Variants in VAV3 observed in about 807,000 individuals in gnomAD.
VAV3 encodes vav guanine nucleotide exchange factor 3.
Under a neutral mutation model 131.2 loss-of-function variants are expected in VAV3, and 94 were observed. That is an observed-to-expected ratio of 0.72 (90% CI 0.61 to 0.85). The LOEUF (loss-of-function observed/expected upper bound fraction) is 0.85. Among genes scored for constraint, VAV3 ranks in the 40% least tolerant of loss-of-function variants. The pLI is 0.00. For synonymous variants in VAV3, 349 were observed against 342.0 expected (o/e 1.02, Z -0.22); for missense variants, 939 against 1,002.7 (o/e 0.94, Z 0.86).
intron 15 of VAV3, 124 bp from the exon 16 acceptor site, chr1:107,705,185 CTAAA>C: frequency 4.1e-6 from 3 of 725,178 alleles, no homozygotes; most frequent in African/African-American, 1.8e-5. Context: ...AAAATGACTA[CTAAA>C]TGTGCAATGT....
intron 2 of VAV3, among the ~76,000 whole-genome samples, chr1:107,860,133 G>T (rs927712595): frequency 2.0e-5 from 3 of 152,004 alleles, no homozygotes; most frequent in Non-Finnish European, 4.4e-5. Context: ...GTTAGTTTTT[G>T]TTTTTGACAG....
intron 2 of VAV3, among the ~76,000 whole-genome samples, chr1:107,859,600 A>G (rs754659274): frequency 2.6e-5 from 4 of 152,188 alleles, no homozygotes; most frequent in Non-Finnish European, 5.9e-5. Context: ...AATGCAAGCC[A>G]AGGCTTTTAA....
chr1:107,832,320 ACTGTG>A (rs1428158898), intron 2 of VAV3, among the ~76,000 whole-genome samples: 1 of 152,202 alleles, frequency 6.6e-6, no homozygotes, highest in African/African-American at 2.4e-5. Flanking sequence ...ATATAGACTC[ACTGTG>A]AACAAGCAGG....
chr1:107,622,800 G>GGT (rs1443653609), intron 20 of VAV3, among the ~76,000 whole-genome samples: 2 of 152,180 alleles, frequency 1.3e-5, no homozygotes, highest in Non-Finnish European at 2.9e-5. Flanking sequence ...CACAGGTTGA[G>GGT]TGTTTGGGGA....
intron 1 of VAV3, among the ~76,000 whole-genome samples, chr1:107,961,721 A>C (rs1053337422): frequency 2.6e-5 from 4 of 152,250 alleles, no homozygotes; most frequent in African/African-American, 9.6e-5. Flanking sequence ...AGATGGCAAG[A>C]TCAAAAACAA....
rs143123480 is a variant in VAV3, at chr1:107,761,760, C to T, written c.922-881G>A. On this transcript the variant is annotated intron_variant, in intron 9 of 26. Transcript: ENST00000370056. ...TTATTATCATATGTAATATCTACTC[C>T]AATATGATTTGTGCTGTATGCCCCT... 2.6e-5 allele frequency among the ~76,000 whole-genome samples: 4 copies of T among 152,256 alleles called. No homozygotes were observed. In the East Asian group the frequency reaches 7.7e-4, roughly 29 times the overall value.
At chr1:107,694,058 TCAC>T (rs754834712) in intron 17 of VAV3, among the ~76,000 whole-genome samples, 1 of 152,168 alleles carries the variant, frequency 6.6e-6, no homozygotes, top group Non-Finnish European at 1.5e-5. Flanking sequence ...GCCACTGAAC[TCAC>T]AGTAAACAGT....
At chr1:107,688,609 T>A (rs1271860198) in intron 17 of VAV3, 1 of 1,372,366 alleles carries the variant, frequency 7.3e-7, no homozygotes. Context: ...GTCAGGAAAG[T>A]GACTCACAGT....
chr1:107,595,832 G>T (rs952304003), intron 25 of VAV3, among the ~76,000 whole-genome samples: 1 of 152,136 alleles, frequency 6.6e-6, no homozygotes, highest in Non-Finnish European at 1.5e-5. Context: ...AGGCTAACTG[G>T]AGAGCTGTGT....
At chr1:107,628,960 T>A (rs577878406) in intron 20 of VAV3, among the ~76,000 whole-genome samples, 1 of 152,260 alleles carries the variant, frequency 6.6e-6, no homozygotes, top group South Asian at 2.1e-4. Context: ...TGTAGATGTA[T>A]GATTAGTAAG....
intron 15 of VAV3, among the ~76,000 whole-genome samples, chr1:107,709,032 A>C: frequency 6.6e-6 from 1 of 152,160 alleles, no homozygotes; most frequent in East Asian, 1.9e-4. Context: ...AATGTTAGAT[A>C]GGTTTACTGG....
chr1:107,844,421 G>T lies in VAV3; in HGVS notation c.321+30480C>A, dbSNP rs147078891. ...TTGGGCAGACACTGAGTTAGCTGCA[G>T]AAGTTTTTTTTCCGTACCCCAGTGG... On this transcript the variant is annotated intron_variant, in intron 2 of 26. Coordinates refer to ENST00000370056, the MANE Select transcript of VAV3 (RefSeq NM_006113.5). 6.6e-3 allele frequency among the ~76,000 whole-genome samples: 1,008 copies of T among 152,316 alleles called. 12 individuals are homozygous for T. The highest frequency in any genetic ancestry group is 0.014 in the Admixed American group (212 of 15,300).
intron 1 of VAV3, among the ~76,000 whole-genome samples, chr1:107,959,091 G>GTC (rs1455964948): frequency 6.6e-6 from 1 of 151,738 alleles, no homozygotes; most frequent in African/African-American, 2.4e-5. Flanking sequence ...GTAAAACCCC[G>GTC]TCTCTACTAA....
intron 13 of VAV3, among the ~76,000 whole-genome samples, 185 bp from the exon 14 acceptor site, chr1:107,749,779 T>C (rs1291508669): frequency 1.3e-5 from 2 of 152,160 alleles, no homozygotes; most frequent in Admixed American, 6.5e-5. Context: ...CTTTACCTTG[T>C]AAATGGCCTC....
chr1:107,751,503 C>T lies in VAV3; in HGVS notation c.1174-301G>A, dbSNP rs142846044. 2.1e-3 allele frequency among the ~76,000 whole-genome samples: 316 copies of T among 152,162 alleles called. 1 individual carries two copies. The highest frequency in any genetic ancestry group is 7.4e-3 in the African/African-American group (306 of 41,520). The stretch of plus-strand genomic sequence containing the variant: ...GAAGGGTCCAAATTACGAGACGGTT[C>T]GGCAATTAATATTTTTTGAGCATCT... On this transcript the variant is annotated intron_variant, in intron 12 of 26. Transcript: ENST00000370056.
intron 2 of VAV3, among the ~76,000 whole-genome samples, chr1:107,815,699 A>G (rs936052541): frequency 1.3e-5 from 2 of 152,238 alleles, no homozygotes; most frequent in Non-Finnish European, 2.9e-5. Context: ...TTCAAGCACT[A>G]TCAATAATTA....
chr1:107,896,551 G>A lies in VAV3; in HGVS notation c.205-21534C>T, dbSNP rs535625198. The stretch of plus-strand genomic sequence containing the variant: ...CACAAATTTGCTCTCCTGCATCTAT[G>A]TTTACTAGAAAGTCCTTTAGTTCCT... On this transcript the variant is annotated intron_variant, in intron 1 of 26. Coordinates refer to ENST00000370056, the MANE Select transcript of VAV3 (RefSeq NM_006113.5). Among the ~76,000 whole-genome samples, 134 of 152,240 alleles carry A rather than the reference G, an allele frequency of 8.8e-4. 2 individuals are homozygous for A. Among genetic ancestry groups the A allele is most frequent in the African/African-American group, 2.9e-3 (122 of 41,524 alleles).
chr1:107,800,163 T>C (rs1203615522), intron 2 of VAV3, among the ~76,000 whole-genome samples: 2 of 152,216 alleles, frequency 1.3e-5, no homozygotes, highest in Non-Finnish European at 2.9e-5. Context: ...GGAGTGCAGA[T>C]AGATACCTCT....
At chr1:107,677,253 A>G (rs975140569) in intron 19 of VAV3, among the ~76,000 whole-genome samples, 2 of 152,198 alleles carry the variant, frequency 1.3e-5, no homozygotes, top group African/African-American at 2.4e-5. Flanking sequence ...ATTAAGAATT[A>G]CTTTATCAAT....
Sources: gnomAD v4.1 joint callset for allele counts (sites outside exome capture counted in the v4.1 genomes callset) on GRCh38, gnomAD v4.1.1 for gene constraint, MANE v1.5 for transcripts, NCBI Gene and HGNC (gene_info 2026-07-23, HGNC 2026-07-21) for gene names.